Variants in NEURL1 observed in about 807,000 individuals in gnomAD.
NEURL1 encodes E3 ubiquitin-protein ligase NEURL1.
Under a neutral mutation model 41.2 loss-of-function variants are expected in NEURL1, and 26 were observed. The ratio of observed to expected loss-of-function variants is 0.63; its 90% CI spans 0.46 to 0.87. NEURL1 has a LOEUF of 0.87. Among genes scored for constraint, NEURL1 ranks in the 40% least tolerant of loss-of-function variants. NEURL1 has a pLI of 0.00. For synonymous variants in NEURL1, 400 were observed against 402.3 expected (o/e 0.99, Z 0.07); for missense variants, 761 against 871.1 (o/e 0.87, Z 1.59).
chr10:103,538,565 C>T (rs182795034), intron 1 of NEURL1, among the ~76,000 whole-genome samples: 67 of 151,448 alleles, frequency 4.4e-4, no homozygotes, highest in African/African-American at 1.4e-3. Context: ...AGTGAGACTC[C>T]GTCTCAAAAC....
intron 1 of NEURL1, among the ~76,000 whole-genome samples, chr10:103,552,566 T>C (rs1212112579): frequency 6.6e-6 from 1 of 152,232 alleles, no homozygotes; most frequent in Admixed American, 6.5e-5. Flanking sequence ...CCTTGCTCCT[T>C]TCTTTCAGAC....
chr10:103,538,686 G>A (rs1242135539), intron 1 of NEURL1, among the ~76,000 whole-genome samples: 3 of 141,276 alleles, frequency 2.1e-5, no homozygotes, highest in Non-Finnish European at 3.0e-5. Flanking sequence ...TCGCTCTGAC[G>A]CCCAGGCTGG....
At position 103,497,950 on chromosome 10, in the gene NEURL1, T is replaced by C. The variant is rs571478748; in HGVS notation, c.85+3478T>C. Reference sequence around the variant, plus strand: ...TGGACATGGAGGGAACTGCAGGAACTGGACAGAAAGCAAGGGATGCAGCAG... The same window carrying C: ...TGGACATGGAGGGAACTGCAGGAACCGGACAGAAAGCAAGGGATGCAGCAG... On this transcript the variant is annotated intron_variant, in intron 1 of 5. Coordinates refer to ENST00000369780, the MANE Select transcript of NEURL1 (RefSeq NM_004210.5). Among the ~76,000 whole-genome samples, 8 of 152,112 alleles carry C rather than the reference T, an allele frequency of 5.3e-5. 1 individual carries two copies. The South Asian group carries it at 1.7e-3, about 32-fold the overall frequency.
chr10:103,589,791 T>A, intron 5 of NEURL1, 131 bp downstream of exon 5: 1 of 1,252,086 alleles, frequency 8.0e-7, no homozygotes, highest in South Asian at 1.5e-5. Flanking sequence ...GGGGGTGATT[T>A]CTGGGGTCAT....
chr10:103,521,112 A>T (rs2034339062), intron 1 of NEURL1, among the ~76,000 whole-genome samples: 1 of 152,030 alleles, frequency 6.6e-6, no homozygotes, highest in Non-Finnish European at 1.5e-5. Context: ...GAGCTTCGTG[A>T]GGTGTGTTTT....
chr10:103,495,633 C>A (rs576439346), intron 1 of NEURL1, among the ~76,000 whole-genome samples: 18 of 152,276 alleles, frequency 1.2e-4, no homozygotes, highest in African/African-American at 4.1e-4. Flanking sequence ...TCTGTCCCTT[C>A]TTTTGCTGAA....
chr10:103,535,909 C>T (rs1469088412), intron 1 of NEURL1, among the ~76,000 whole-genome samples: 3 of 152,184 alleles, frequency 2.0e-5, no homozygotes, highest in African/African-American at 7.2e-5. Context: ...TGTTCCAATT[C>T]CAAGATGGCA....
intron 1 of NEURL1, among the ~76,000 whole-genome samples, chr10:103,547,312 A>G (rs2034942628): frequency 6.6e-6 from 1 of 152,260 alleles, no homozygotes; most frequent in Non-Finnish European, 1.5e-5. Flanking sequence ...TCCAGCTGCC[A>G]GTGGCCATAC....
intron 1 of NEURL1, among the ~76,000 whole-genome samples, chr10:103,531,648 C>G (rs2034576329): frequency 6.6e-6 from 1 of 150,814 alleles, no homozygotes; most frequent in African/African-American, 2.4e-5. Context: ...ATCCTCCTGC[C>G]TCAGCCTCCT....
chr10:103,499,731 A>G (rs1366105260), intron 1 of NEURL1, among the ~76,000 whole-genome samples: 1 of 151,918 alleles, frequency 6.6e-6, no homozygotes, highest in Non-Finnish European at 1.5e-5. Context: ...GGCCTCCCAA[A>G]ATGCTGGGGC....
intron 1 of NEURL1, among the ~76,000 whole-genome samples, chr10:103,518,173 T>C (rs1464812962): frequency 6.6e-6 from 1 of 152,162 alleles, no homozygotes; most frequent in African/African-American, 2.4e-5. Flanking sequence ...GTTAAGTAAA[T>C]GATGACGTCT....
At chr10:103,496,497 T>G (rs1347926441) in intron 1 of NEURL1, among the ~76,000 whole-genome samples, 1 of 152,238 alleles carries the variant, frequency 6.6e-6, no homozygotes, top group African/African-American at 2.4e-5. Context: ...AATTATTTCC[T>G]CTGGGTATAG....
At chr10:103,561,357 A>G (rs977554873) in intron 1 of NEURL1, among the ~76,000 whole-genome samples, 4 of 150,766 alleles carry the variant, frequency 2.7e-5, no homozygotes, top group Non-Finnish European at 4.4e-5. Context: ...CACCTCCTGG[A>G]TTCAAGCAAT....
chr10:103,534,870 G>T (rs1475502636), intron 1 of NEURL1, among the ~76,000 whole-genome samples: 1 of 152,122 alleles, frequency 6.6e-6, no homozygotes, highest in African/African-American at 2.4e-5. Flanking sequence ...CACAGAGCCA[G>T]CATCTGTGAC....
chr10:103,532,229 CATTA>C (rs1189795339), intron 1 of NEURL1, among the ~76,000 whole-genome samples: 16 of 152,258 alleles, frequency 1.1e-4, no homozygotes, highest in Admixed American at 5.2e-4. Flanking sequence ...CCTGTCAATT[CATTA>C]ATTGTTTTCT....
intron 4 of NEURL1, among the ~76,000 whole-genome samples, chr10:103,585,703 G>A (rs1458037294): frequency 6.6e-6 from 1 of 152,032 alleles, no homozygotes; most frequent in Non-Finnish European, 1.5e-5. Context: ...GCATGGTGGT[G>A]GGCGCCTGTA....
Position 103,501,429 on chromosome 10 carries a change from A to G in NEURL1, c.85+6957A>G, listed in dbSNP as rs1172173601. Among the ~76,000 whole-genome samples, 5 of 152,038 alleles carry G rather than the reference A, an allele frequency of 3.3e-5. No individual in the cohort carries two copies. In the East Asian group the frequency reaches 9.7e-4, roughly 29 times the overall value. The stretch of plus-strand genomic sequence containing the variant: ...CTGCTCATCTGGAGTTCCCATGGGC[A>G]AGTCTGAAAGCATTTCCAACCCACA... On this transcript the variant is annotated intron_variant, in intron 1 of 5. Transcript: ENST00000369780.
At chr10:103,509,891 G>C (rs2034031357) in intron 1 of NEURL1, among the ~76,000 whole-genome samples, 1 of 152,174 alleles carries the variant, frequency 6.6e-6, no homozygotes, top group Non-Finnish European at 1.5e-5. Flanking sequence ...TTCCTGGAGG[G>C]CAGGTTTCCG....
At chr10:103,503,963 A>G (rs773258107) in intron 1 of NEURL1, among the ~76,000 whole-genome samples, 1 of 57,790 alleles carries the variant, frequency 1.7e-5, no homozygotes, top group East Asian at 4.2e-4. Context: ...CTAGTATTTT[A>G]TTTATTTATT....
Sources: gnomAD v4.1 joint callset for allele counts (sites outside exome capture counted in the v4.1 genomes callset) on GRCh38, gnomAD v4.1.1 for gene constraint, MANE v1.5 for transcripts, NCBI Gene and HGNC (gene_info 2026-07-23, HGNC 2026-07-21) for gene names.